ANKRD30B: variants seen among roughly 807,000 people sequenced by gnomAD.
ANKRD30B encodes the protein ankyrin repeat domain-containing protein 30B.
A neutral mutation model predicts 202.2 loss-of-function variants in ANKRD30B; 144 were observed. The observed-to-expected ratio is 0.71, with a 90% confidence interval of 0.62 to 0.82. ANKRD30B has a LOEUF of 0.82. Among genes scored for constraint, ANKRD30B ranks in the 40% least tolerant of loss-of-function variants. The pLI is 0.00. For synonymous variants in ANKRD30B, 508 were observed against 561.3 expected (o/e 0.91, Z 1.34); for missense variants, 1,487 against 1,669.1 (o/e 0.89, Z 1.90).
intron 9 of ANKRD30B, among the ~76,000 whole-genome samples, chr18:14,772,874 A>T (rs1567996174): frequency 6.6e-6 from 1 of 152,094 alleles, no homozygotes; most frequent in Admixed American, 6.5e-5. Context: ...TCCAGCTACC[A>T]GGGAGGCTGA....
intron 5 of ANKRD30B, among the ~76,000 whole-genome samples, chr18:14,758,709 C>T (rs1914772195): frequency 6.6e-6 from 1 of 152,178 alleles, no homozygotes; most frequent in African/African-American, 2.4e-5. Context: ...TTAGCCCGGA[C>T]TTGGCCTAGA....
intron 15 of ANKRD30B, among the ~76,000 whole-genome samples, chr18:14,789,321 G>A (rs1289603505): frequency 6.6e-6 from 1 of 152,064 alleles, no homozygotes; most frequent in Non-Finnish European, 1.5e-5. Context: ...TTGCGAAAAT[G>A]TTCTCCCATT....
At chr18:14,883,414 T>G in the ANKRD30B span, 1 of 27,064 alleles carries the variant, frequency 3.7e-5, no homozygotes, top group Non-Finnish European at 8.1e-5. Context: ...TATATATATA[T>G]ATATATATAT....
intron 33 of ANKRD30B, 52 bp downstream of exon 33, chr18:14,828,360 G>C: frequency 7.9e-7 from 1 of 1,270,072 alleles, no homozygotes; most frequent in East Asian, 2.5e-5. Context: ...AAAATATAGA[G>C]AAAAGAAATC....
At chr18:14,940,884 C>T in the ANKRD30B span, among the ~76,000 whole-genome samples, 7 of 152,086 alleles carry the variant, frequency 4.6e-5, no homozygotes, top group Non-Finnish European at 1.0e-4. Context: ...GAGCTAAATC[C>T]GGTGCTTCTG....
At chr18:14,854,832 A>AACACACACAC (rs56259305), downstream of ANKRD30B, among the ~76,000 whole-genome samples, 117 of 134,184 alleles carry the variant, frequency 8.7e-4, no homozygotes, top group Middle Eastern at 4.1e-3. Flanking sequence ...ACTATCCACG[A>AACACACACAC]ACACACACAC....
chr18:14,831,010 G>A (rs1233104634), intron 33 of ANKRD30B, among the ~76,000 whole-genome samples: 6 of 151,416 alleles, frequency 4.0e-5, no homozygotes, highest in Non-Finnish European at 7.4e-5. Flanking sequence ...GTGAAACCCC[G>A]TCTCTACTAA....
intron 30 of ANKRD30B, among the ~76,000 whole-genome samples, chr18:14,819,149 A>G (rs1970277088): frequency 6.7e-6 from 1 of 149,462 alleles, no homozygotes; most frequent in Admixed American, 6.6e-5. Context: ...TTTTGGCTGC[A>G]TAAATGTCTT....
At chr18:14,770,770 T>C (rs372655857) in intron 8 of ANKRD30B, among the ~76,000 whole-genome samples, 1 of 152,050 alleles carries the variant, frequency 6.6e-6, no homozygotes, top group Non-Finnish European at 1.5e-5. Context: ...GCTTTTTTGC[T>C]TGTTTAATTG....
chr18:14,775,274 G>C (rs1173993237), intron 9 of ANKRD30B, among the ~76,000 whole-genome samples: 1 of 152,212 alleles, frequency 6.6e-6, no homozygotes, highest in Non-Finnish European at 1.5e-5. Flanking sequence ...TAGTGCAAAA[G>C]AAAATAAGGC....
At chr18:14,819,801 C>T (rs1012875702) in intron 30 of ANKRD30B, among the ~76,000 whole-genome samples, 8 of 152,242 alleles carry the variant, frequency 5.3e-5, no homozygotes, top group African/African-American at 1.2e-4. Context: ...TACTGTGATG[C>T]CTCCAGCTTT....
intron 14 of ANKRD30B, among the ~76,000 whole-genome samples, chr18:14,785,289 GGTT>G (rs1968011275): frequency 6.6e-6 from 1 of 151,980 alleles, no homozygotes; most frequent in Non-Finnish European, 1.5e-5. Context: ...ATGTATACAT[GGTT>G]GTACAGTGTA....
intron 40 of ANKRD30B, among the ~76,000 whole-genome samples, chr18:14,849,720 C>G (rs1407394090): frequency 1.3e-5 from 2 of 151,580 alleles, no homozygotes; most frequent in Non-Finnish European, 3.0e-5. Context: ...ACATATTAGA[C>G]TCTTTAATCT....
At chr18:14,791,218 C>G (rs1381714714) in intron 15 of ANKRD30B, among the ~76,000 whole-genome samples, 183 bp from the exon 16 acceptor site, 1 of 152,070 alleles carries the variant, frequency 6.6e-6, no homozygotes, top group Non-Finnish European at 1.5e-5. Context: ...GTTTGTATTT[C>G]TGTGGGATTG....
At chr18:14,921,185 G>A in the ANKRD30B span, among the ~76,000 whole-genome samples, 4 of 151,886 alleles carry the variant, frequency 2.6e-5, no homozygotes. Context: ...TGCCTGTTGT[G>A]GTGGGTGGAG....
At chr18:14,786,525 G>A (rs113726659) in intron 14 of ANKRD30B, among the ~76,000 whole-genome samples, 2,195 of 152,212 alleles carry the variant, frequency 0.014, 59 homozygotes, top group African/African-American at 0.051. Context: ...CACTGTCATA[G>A]CATATTGAAA....
the ANKRD30B span, among the ~76,000 whole-genome samples, chr18:14,933,034 G>A: frequency 5.3e-5 from 8 of 152,154 alleles, no homozygotes; most frequent in Non-Finnish European, 8.8e-5. Context: ...ATTTTGTTTC[G>A]TTGTGTGGCT....
the ANKRD30B span, among the ~76,000 whole-genome samples, chr18:14,913,307 T>G: frequency 6.6e-6 from 1 of 152,166 alleles, no homozygotes; most frequent in Admixed American, 6.5e-5. Context: ...GGCCAGTCCC[T>G]GTCCTGCCCA....
chr18:14,797,335 C>T (rs1427299557), intron 18 of ANKRD30B, among the ~76,000 whole-genome samples: 2 of 152,166 alleles, frequency 1.3e-5, no homozygotes, highest in African/African-American at 4.8e-5. Flanking sequence ...CATCCATTCA[C>T]AGGTTCTCTG....
Sources: allele counts gnomAD v4.1 joint callset (sites outside exome capture counted in the v4.1 genomes callset), GRCh38; gene constraint gnomAD v4.1.1; transcripts MANE v1.5; gene names NCBI Gene and HGNC (gene_info 2026-07-23, HGNC 2026-07-21).